BTRC: variants seen among roughly 807,000 people sequenced by gnomAD.
BTRC encodes beta-transducin repeat containing E3 ubiquitin protein ligase.
Under a neutral mutation model 85.5 loss-of-function variants are expected in BTRC, and 42 were observed. That is an observed-to-expected ratio of 0.49 (90% CI 0.38 to 0.64). The LOEUF (loss-of-function observed/expected upper bound fraction) is 0.64, where lower values mean the gene tolerates loss of function less well. Ranked by LOEUF, BTRC falls within the 30% of genes least tolerant of loss-of-function variation. The probability of loss-of-function intolerance (pLI) is 0.00; values close to 1 mark genes in which losing one functional copy is unlikely to be tolerated. For synonymous variants in BTRC, 255 were observed against 263.3 expected (o/e 0.97, Z 0.30); for missense variants, 594 against 743.5 (o/e 0.80, Z 2.34).
chr10:101,455,599 A>G (rs1316395361), intron 2 of BTRC, among the ~76,000 whole-genome samples: 1 of 152,174 alleles, frequency 6.6e-6, no homozygotes, highest in African/African-American at 2.4e-5. Context: ...CAGGATTTTT[A>G]GTAGATAAAG....
At chr10:101,357,992 C>G (rs1175024928) in intron 1 of BTRC, among the ~76,000 whole-genome samples, 3 of 151,946 alleles carry the variant, frequency 2.0e-5, no homozygotes, top group Non-Finnish European at 4.4e-5. Flanking sequence ...TGAAGAGAAC[C>G]TAAGAAGAGA....
intron 1 of BTRC, among the ~76,000 whole-genome samples, chr10:101,366,223 A>G (rs1942369452): frequency 6.6e-6 from 1 of 152,130 alleles, no homozygotes; most frequent in Admixed American, 6.6e-5. Context: ...CAGTGGGTTG[A>G]CAAAGAGAGG....
intron 1 of BTRC, among the ~76,000 whole-genome samples, chr10:101,420,199 C>A (rs1564761186): frequency 6.6e-6 from 1 of 151,862 alleles, no homozygotes; most frequent in African/African-American, 2.4e-5. Context: ...TCTTTCTATA[C>A]TTGTAACTTG....
intron 4 of BTRC, among the ~76,000 whole-genome samples, chr10:101,499,125 G>A (rs1272127366): frequency 6.6e-6 from 1 of 152,154 alleles, no homozygotes; most frequent in Admixed American, 6.5e-5. Context: ...GGTGGTATTA[G>A]TTTTGTTTAC....
At chr10:101,456,168 CAA>C (rs11321590) in intron 2 of BTRC, among the ~76,000 whole-genome samples, 46 of 136,478 alleles carry the variant, frequency 3.4e-4, no homozygotes, top group Admixed American at 3.6e-4. Flanking sequence ...GACTCTGTTT[CAA>C]AAAAAAAAAA....
At chr10:101,354,936 A>C (rs1260003298) in intron 1 of BTRC, among the ~76,000 whole-genome samples, 2 of 152,152 alleles carry the variant, frequency 1.3e-5, no homozygotes, top group Non-Finnish European at 2.9e-5. Context: ...AAGGGTGTTG[A>C]CTGTAAGCTA....
intron 2 of BTRC, among the ~76,000 whole-genome samples, chr10:101,438,763 T>A (rs1944604530): frequency 6.6e-6 from 1 of 152,174 alleles, no homozygotes; most frequent in African/African-American, 2.4e-5. Context: ...AGGTCATTAT[T>A]TTTTTAAGCA....
chr10:101,456,765 A>G (rs921671869), intron 2 of BTRC, among the ~76,000 whole-genome samples: 3 of 152,190 alleles, frequency 2.0e-5, no homozygotes, highest in African/African-American at 7.2e-5. Context: ...TTCAAAGTTG[A>G]CAGGGAGACT....
chr10:101,546,267 C>T (rs1016106198), intron 13 of BTRC, among the ~76,000 whole-genome samples: 30 of 150,518 alleles, frequency 2.0e-4, no homozygotes, highest in Non-Finnish European at 4.0e-4. Context: ...AGAAATCATA[C>T]AGCATATGCT....
At chr10:101,467,435 C>G (rs567514589) in intron 3 of BTRC, among the ~76,000 whole-genome samples, 6 of 150,780 alleles carry the variant, frequency 4.0e-5, no homozygotes, top group African/African-American at 9.8e-5. Context: ...GATAATTGCT[C>G]GAGAAAACCC....
intron 1 of BTRC, among the ~76,000 whole-genome samples, chr10:101,366,878 T>TAA (rs1564730027): frequency 3.8e-4 from 6 of 15,910 alleles, no homozygotes; most frequent in East Asian, 1.3e-3. Context: ...TAATATATAT[T>TAA]TATATATATT....
chr10:101,525,688 T>A (rs2062180688), intron 5 of BTRC, among the ~76,000 whole-genome samples: 1 of 152,182 alleles, frequency 6.6e-6, no homozygotes, highest in Non-Finnish European at 1.5e-5. Context: ...GAACATCCCC[T>A]AGTGCTGAAA....
chr10:101,354,051 A>T, upstream of BTRC: 1 of 1,099,308 alleles, frequency 9.1e-7, no homozygotes, highest in South Asian at 1.4e-5. Context: ...TTGGCCCCTC[A>T]GCCTGCGCCT....
At chr10:101,423,888 G>C (rs748733991) in intron 1 of BTRC, among the ~76,000 whole-genome samples, 3 of 152,148 alleles carry the variant, frequency 2.0e-5, no homozygotes, top group Non-Finnish European at 4.4e-5. Context: ...CCTATTCCTG[G>C]TGATGATGCC....
chr10:101,468,694 A>G (rs1046289201), intron 3 of BTRC, among the ~76,000 whole-genome samples: 4 of 152,188 alleles, frequency 2.6e-5, no homozygotes, highest in African/African-American at 7.2e-5. Flanking sequence ...TCATTATACT[A>G]TATCTTGTTA....
intron 4 of BTRC, among the ~76,000 whole-genome samples, chr10:101,515,256 G>GT (rs749994607): frequency 4.0e-5 from 6 of 148,438 alleles, no homozygotes; most frequent in Admixed American, 6.8e-5. Flanking sequence ...ACACCTAACC[G>GT]TTTTTTTTAT....
chr10:101,541,421 G>A (rs555689279), intron 13 of BTRC, among the ~76,000 whole-genome samples: 3 of 152,100 alleles, frequency 2.0e-5, no homozygotes, highest in African/African-American at 4.8e-5. Flanking sequence ...CACCATGCCC[G>A]GCTGATTTTT....
chr10:101,534,198 A>T (rs975952524), intron 9 of BTRC, among the ~76,000 whole-genome samples: 1 of 152,148 alleles, frequency 6.6e-6, no homozygotes, highest in Non-Finnish European at 1.5e-5. Context: ...AGTCATGGTT[A>T]TCTTGGCCTT....
chr10:101,425,671 G>A (rs1011831441), intron 1 of BTRC, among the ~76,000 whole-genome samples: 2 of 149,990 alleles, frequency 1.3e-5, no homozygotes, highest in Admixed American at 6.7e-5. Context: ...TTAGCCAGGC[G>A]TGGTGGTGCA....
Sources: allele counts gnomAD v4.1 joint callset (sites outside exome capture counted in the v4.1 genomes callset), GRCh38; gene constraint gnomAD v4.1.1; transcripts MANE v1.5; gene names NCBI Gene and HGNC (gene_info 2026-07-23, HGNC 2026-07-21).